NOL4: variants seen among roughly 807,000 people sequenced by gnomAD.
NOL4 encodes cancer/testis antigen 125.
NOL4 carries 17 observed loss-of-function variants against 75.9 expected under a neutral mutation model. That is an observed-to-expected ratio of 0.22 (90% CI 0.15 to 0.34). The LOEUF is 0.34. Ranked by LOEUF, NOL4 falls within the 10% of genes least tolerant of loss-of-function variation. The pLI is 1.00. For synonymous variants in NOL4, 292 were observed against 289.9 expected (o/e 1.01, Z -0.07); for missense variants, 614 against 793.5 (o/e 0.77, Z 2.72).
At chr18:34,179,413 C>T (rs562581536) in intron 1 of NOL4, among the ~76,000 whole-genome samples, 4 of 150,616 alleles carry the variant, frequency 2.7e-5, no homozygotes, top group East Asian at 1.9e-4. Context: ...TCAATAAGAC[C>T]GTAAGTTGGT....
chr18:34,209,346 C>A (rs924921925), intron 1 of NOL4, among the ~76,000 whole-genome samples: 5 of 151,710 alleles, frequency 3.3e-5, no homozygotes, highest in Non-Finnish European at 7.4e-5. Context: ...TAAAAAACAG[C>A]AGAATTGAAA....
At chr18:34,141,538 C>T (rs1394429759) in intron 1 of NOL4, among the ~76,000 whole-genome samples, 1 of 152,186 alleles carries the variant, frequency 6.6e-6, no homozygotes, top group Non-Finnish European at 1.5e-5. Flanking sequence ...CACACATCTA[C>T]AACCATCTGA....
At chr18:33,875,589 G>A (rs1353025161) in intron 10 of NOL4, among the ~76,000 whole-genome samples, 2 of 152,018 alleles carry the variant, frequency 1.3e-5, no homozygotes, top group Admixed American at 1.3e-4. Context: ...GAATGAACTG[G>A]AGCCTTCCTC....
At chr18:33,870,054 G>A (rs1028248520) in intron 10 of NOL4, among the ~76,000 whole-genome samples, 1 of 151,964 alleles carries the variant, frequency 6.6e-6, no homozygotes, top group Non-Finnish European at 1.5e-5. Context: ...TTTTTTAAAT[G>A]GCATAAATTG....
chr18:33,920,326 A>G (rs1013732739), intron 9 of NOL4, among the ~76,000 whole-genome samples: 7 of 152,176 alleles, frequency 4.6e-5, no homozygotes, highest in Non-Finnish European at 8.8e-5. Flanking sequence ...AAACTCTAAA[A>G]TAATGTGTAA....
intron 5 of NOL4, among the ~76,000 whole-genome samples, chr18:34,066,923 T>C (rs1013392451): frequency 3.4e-4 from 51 of 152,210 alleles, no homozygotes; most frequent in Admixed American, 2.6e-3. Context: ...AGCTGACTAA[T>C]AAAGAATCAG....
At chr18:34,071,163 G>C (rs147440272) in intron 5 of NOL4, among the ~76,000 whole-genome samples, 1 of 152,138 alleles carries the variant, frequency 6.6e-6, no homozygotes, top group East Asian at 1.9e-4. Context: ...AACATGATTT[G>C]ATCATTACAC....
At chr18:34,124,842 G>T (rs900764734) in intron 2 of NOL4, among the ~76,000 whole-genome samples, 1 of 151,836 alleles carries the variant, frequency 6.6e-6, no homozygotes, top group South Asian at 2.1e-4. Flanking sequence ...GGGAGGTGGA[G>T]GTTGCAGTGA....
At chr18:33,984,134 T>C (rs2072235217) in intron 6 of NOL4, among the ~76,000 whole-genome samples, 1 of 152,064 alleles carries the variant, frequency 6.6e-6, no homozygotes, top group South Asian at 2.1e-4. Flanking sequence ...TAGGGCAATA[T>C]CTAGTCAACA....
chr18:34,096,361 G>A (rs2078778283), intron 4 of NOL4, among the ~76,000 whole-genome samples: 1 of 151,992 alleles, frequency 6.6e-6, no homozygotes, highest in African/African-American at 2.4e-5. Flanking sequence ...GAGCTTTAAT[G>A]AGACTAAGTG....
intron 9 of NOL4, among the ~76,000 whole-genome samples, chr18:33,903,367 T>C (rs1353313812): frequency 6.6e-6 from 1 of 152,110 alleles, no homozygotes; most frequent in Non-Finnish European, 1.5e-5. Context: ...CCTTGACATA[T>C]GGGGATTACA....
At chr18:34,209,375 A>G (rs1225876352) in intron 1 of NOL4, among the ~76,000 whole-genome samples, 1 of 152,118 alleles carries the variant, frequency 6.6e-6, no homozygotes, top group Non-Finnish European at 1.5e-5. Context: ...TTAAACCATA[A>G]CTCTAAAAAA....
intron 6 of NOL4, among the ~76,000 whole-genome samples, chr18:33,988,182 AGGTGTAATT>A (rs779881162): frequency 2.6e-5 from 4 of 152,110 alleles, no homozygotes; most frequent in Non-Finnish European, 4.4e-5. Context: ...TCATAGGGCA[AGGTGTAATT>A]GACTCTACAC....
intron 1 of NOL4, among the ~76,000 whole-genome samples, chr18:34,135,900 A>G (rs1266203806): frequency 1.7e-4 from 26 of 152,042 alleles, no homozygotes; most frequent in Admixed American, 1.7e-3. Context: ...AGATATACAA[A>G]ACAATATATT....
chr18:34,211,783 G>C (rs1483473952), intron 1 of NOL4, among the ~76,000 whole-genome samples: 1 of 151,960 alleles, frequency 6.6e-6, no homozygotes. Flanking sequence ...CAGATAGAAA[G>C]GAAGAAAATC....
intron 8 of NOL4, among the ~76,000 whole-genome samples, chr18:33,950,616 T>C (rs1465999889): frequency 6.6e-6 from 1 of 152,112 alleles, no homozygotes; most frequent in African/African-American, 2.4e-5. Flanking sequence ...GAACATAATT[T>C]CTTCTTGAAG....
chr18:34,120,488 T>C (rs765864418), intron 2 of NOL4, among the ~76,000 whole-genome samples: 2 of 152,212 alleles, frequency 1.3e-5, no homozygotes, highest in Non-Finnish European at 2.9e-5. Flanking sequence ...AGGAATGCAC[T>C]CTGTCCATCC....
intron 6 of NOL4, among the ~76,000 whole-genome samples, chr18:33,979,549 C>T (rs2071778621): frequency 1.3e-5 from 2 of 151,802 alleles, no homozygotes; most frequent in South Asian, 4.1e-4. Context: ...TATAACAGGT[C>T]CACAATCCTT....
Position 33,851,361 on chromosome 18 carries a change from A to G in NOL4, c.*1481T>C, listed in dbSNP as rs991581153. 6.6e-6 allele frequency: 1 copy of G among 152,536 alleles called. No individual in the cohort carries two copies. The highest frequency in any genetic ancestry group is 2.4e-5 in the African/African-American group (1 of 41,442). The allele number at this position is 152,536 out of a possible 1,614,324, so 9.4% of individuals were successfully genotyped here. A position where few individuals can be genotyped will look rare whatever the true frequency, so the allele number is the denominator to read the frequency against. On this transcript the variant is annotated 3_prime_UTR_variant, in exon 11 of 11. Transcript: ENST00000261592. ...AGTAATTCTAGAAACACTAGAAGAA[A>G]AAAGCATAGCAATGTCCACAGTTAC... is the stretch of plus-strand genomic sequence containing the variant.
Sources: gnomAD v4.1 joint callset for allele counts (sites outside exome capture counted in the v4.1 genomes callset) on GRCh38, gnomAD v4.1.1 for gene constraint, MANE v1.5 for transcripts, NCBI Gene and HGNC (gene_info 2026-07-23, HGNC 2026-07-21) for gene names.